HS6ST3: variants seen among roughly 807,000 people sequenced by gnomAD.
The protein encoded by HS6ST3 is heparan-sulfate 6-O-sulfotransferase 3.
HS6ST3 carries 12 observed loss-of-function variants against 36.7 expected under a neutral mutation model. The ratio of observed to expected loss-of-function variants is 0.33; its 90% CI spans 0.21 to 0.53. HS6ST3 has a LOEUF of 0.53. HS6ST3 is among the 20% of genes least tolerant of loss of function. HS6ST3 has a pLI of 0.95. For missense variants in HS6ST3, 584 were observed against 640.9 expected, an observed-to-expected ratio of 0.91 and a Z score of 0.96; for synonymous variants, 240 against 257.5, an observed-to-expected ratio of 0.93 and a Z score of 0.65.
intron 1 of HS6ST3, among the ~76,000 whole-genome samples, chr13:96,811,988 G>A (rs898493328): frequency 9.2e-5 from 14 of 152,084 alleles, no homozygotes; most frequent in Non-Finnish European, 1.9e-4. Flanking sequence ...GAGGGATGCC[G>A]GGGGGTTGGG....
chr13:96,443,396 G>A (rs1201448105), intron 1 of HS6ST3, among the ~76,000 whole-genome samples: 1 of 151,880 alleles, frequency 6.6e-6, no homozygotes, highest in Non-Finnish European at 1.5e-5. Flanking sequence ...CGGGCATGGT[G>A]GCAAGTGCCT....
At chr13:96,560,892 C>A (rs756458670) in intron 1 of HS6ST3, among the ~76,000 whole-genome samples, 5 of 151,956 alleles carry the variant, frequency 3.3e-5, no homozygotes, top group Non-Finnish European at 7.4e-5. Flanking sequence ...CATAGATTAC[C>A]CAAACAAATG....
rs74359653 is a variant in HS6ST3, at chr13:96,173,929, T to C, written c.707+82360T>C. Among the ~76,000 whole-genome samples, 321 of 152,032 alleles carry C rather than the reference T, an allele frequency of 2.1e-3. 7 individuals carry two copies. In the East Asian group the frequency reaches 0.055, roughly 26 times the overall value. On this transcript the variant is annotated intron_variant, in intron 1 of 1. Coordinates refer to ENST00000376705, the MANE Select transcript of HS6ST3 (RefSeq NM_153456.4). ...ATGGACAGAAGGAGGCTGAGTTAGCTCCAAAGGGCATGTGTAATCTGTAGG... is the reference window on the plus strand; with the variant it reads ...ATGGACAGAAGGAGGCTGAGTTAGCCCCAAAGGGCATGTGTAATCTGTAGG...
At chr13:96,789,602 A>G (rs1877731848) in intron 1 of HS6ST3, among the ~76,000 whole-genome samples, 1 of 151,392 alleles carries the variant, frequency 6.6e-6, no homozygotes, top group African/African-American at 2.4e-5. Context: ...AGGTTTGCTG[A>G]TAATATATTC....
chr13:96,195,637 G>C (rs1022187122), intron 1 of HS6ST3, among the ~76,000 whole-genome samples: 22 of 152,194 alleles, frequency 1.4e-4, no homozygotes, highest in African/African-American at 5.3e-4. Flanking sequence ...AAGGATGGGA[G>C]TGAGCTCTTC....
intron 1 of HS6ST3, among the ~76,000 whole-genome samples, chr13:96,549,740 C>A (rs1329687816): frequency 6.6e-6 from 1 of 152,016 alleles, no homozygotes; most frequent in East Asian, 1.9e-4. Context: ...GATAGCTGTA[C>A]CAAGATGTTC....
intron 1 of HS6ST3, among the ~76,000 whole-genome samples, chr13:96,772,838 G>GGAA (rs1277864419): frequency 6.6e-6 from 1 of 152,128 alleles, no homozygotes; most frequent in Non-Finnish European, 1.5e-5. Flanking sequence ...TTTTGGGAAT[G>GGAA]GAAGAAGTTT....
intron 1 of HS6ST3, among the ~76,000 whole-genome samples, chr13:96,306,106 C>CTTTT (rs5805960): frequency 1.5e-5 from 2 of 130,284 alleles, no homozygotes; most frequent in East Asian, 2.2e-4. Context: ...TTTTCTTTTT[C>CTTTT]TTTTTTTTTT....
At chr13:96,335,266 G>A (rs894299516) in intron 1 of HS6ST3, among the ~76,000 whole-genome samples, 8 of 152,312 alleles carry the variant, frequency 5.3e-5, no homozygotes, top group Admixed American at 1.3e-4. Context: ...ACTCTTGCAG[G>A]TTAAAAGAAG....
chr13:96,163,473 C>T (rs990073846), intron 1 of HS6ST3, among the ~76,000 whole-genome samples: 6 of 152,032 alleles, frequency 3.9e-5, no homozygotes, highest in Admixed American at 3.3e-4. Flanking sequence ...TCGTGATCCG[C>T]CCGCCTTGAC....
chr13:96,518,333 A>G (rs924934498), intron 1 of HS6ST3, among the ~76,000 whole-genome samples: 4 of 152,176 alleles, frequency 2.6e-5, no homozygotes, highest in African/African-American at 9.7e-5. Context: ...ACTAATTCTT[A>G]TTCCCTTTTT....
chr13:96,807,751 A>C (rs916464580), intron 1 of HS6ST3, among the ~76,000 whole-genome samples: 2 of 152,010 alleles, frequency 1.3e-5, no homozygotes, highest in African/African-American at 4.8e-5. Flanking sequence ...CTGTAGTCCC[A>C]GCTACTCGGG....
chr13:96,291,507 A>G (rs939796317), intron 1 of HS6ST3, among the ~76,000 whole-genome samples: 11 of 152,176 alleles, frequency 7.2e-5, no homozygotes, highest in African/African-American at 2.7e-4. Context: ...AAGATGAAGA[A>G]ATCTTATTGG....
At chr13:96,156,428 T>C (rs2054110846) in intron 1 of HS6ST3, among the ~76,000 whole-genome samples, 1 of 152,202 alleles carries the variant, frequency 6.6e-6, no homozygotes, top group South Asian at 2.1e-4. Flanking sequence ...TACGCAGCTG[T>C]ATGATTAGGT....
chr13:96,341,669 G>A lies in HS6ST3; in HGVS notation c.707+250100G>A, dbSNP rs994523692. The stretch of plus-strand genomic sequence containing the variant: ...GGAAATTTTGTTTTGAAAAGATATG[G>A]AGGGGGAGAAATGGAGATCGATGGG... On this transcript the variant is annotated intron_variant, in intron 1 of 1. Coordinates refer to ENST00000376705, the MANE Select transcript of HS6ST3 (RefSeq NM_153456.4). 2.0e-5 allele frequency among the ~76,000 whole-genome samples: 3 copies of A among 152,294 alleles called. 1 individual carries two copies. The highest frequency in any genetic ancestry group is 2.0e-4 in the Admixed American group (3 of 15,286).
At chr13:96,698,791 A>G (rs990394054) in intron 1 of HS6ST3, among the ~76,000 whole-genome samples, 41 of 152,180 alleles carry the variant, frequency 2.7e-4, no homozygotes, top group African/African-American at 9.9e-4. Context: ...CACATTGCCA[A>G]GTCAATCCTA....
At chr13:96,532,440 G>C (rs967348342) in intron 1 of HS6ST3, among the ~76,000 whole-genome samples, 3 of 152,178 alleles carry the variant, frequency 2.0e-5, no homozygotes, top group African/African-American at 7.2e-5. Context: ...TTGAGGTCTG[G>C]GGGTTTTATC....
intron 1 of HS6ST3, among the ~76,000 whole-genome samples, chr13:96,738,973 C>A (rs1290056242): frequency 6.6e-6 from 1 of 152,198 alleles, no homozygotes; most frequent in African/African-American, 2.4e-5. Context: ...TAAAACTCTT[C>A]TCGTCAATAT....
At chr13:96,788,290 A>G (rs1877700888) in intron 1 of HS6ST3, among the ~76,000 whole-genome samples, 1 of 151,866 alleles carries the variant, frequency 6.6e-6, no homozygotes, top group African/African-American at 2.4e-5. Flanking sequence ...TGAGATTTTG[A>G]TTGGTATTTC....
Sources: gnomAD v4.1 joint callset for allele counts (sites outside exome capture counted in the v4.1 genomes callset) on GRCh38, gnomAD v4.1.1 for gene constraint, MANE v1.5 for transcripts, NCBI Gene and HGNC (gene_info 2026-07-23, HGNC 2026-07-21) for gene names.